PAG1: variants seen among roughly 807,000 people sequenced by gnomAD.
The protein encoded by PAG1 is phosphoprotein membrane anchor with glycosphingolipid microdomains 1, also known as phosphoprotein associated with glycosphingolipid-enriched microdomains 1.
Under a neutral mutation model 31.7 loss-of-function variants are expected in PAG1, and 23 were observed. The observed-to-expected ratio is 0.73, with a 90% CI of 0.52 to 1.03. The LOEUF (loss-of-function observed/expected upper bound fraction) is 1.03. Among genes scored for constraint, PAG1 ranks in the 50% least tolerant of loss-of-function variants. PAG1 has a pLI of 0.00. For missense variants in PAG1, 473 were observed against 540.7 expected, an observed-to-expected ratio of 0.87 and a Z score of 1.24; for synonymous variants, 214 against 210.3, an observed-to-expected ratio of 1.02 and a Z score of -0.15.
chr8:81,030,900 C>A (rs146327092), intron 2 of PAG1, among the ~76,000 whole-genome samples: 1 of 152,116 alleles, frequency 6.6e-6, no homozygotes, highest in Admixed American at 6.6e-5. Context: ...AATGAATGAA[C>A]GAACGAACAA....
rs1807181019 is a variant in PAG1, at chr8:80,976,453, T to C, written c.*91A>G. The C allele has an allele frequency of 5.4e-6, 7 of 1,289,852 alleles. No homozygotes were observed. In the East Asian group the frequency reaches 1.6e-4, roughly 30 times the overall value. The allele number at this position is 1,289,852 out of a possible 1,614,324, so 79.9% of individuals were successfully genotyped here. On this transcript the variant is annotated 3_prime_UTR_variant, in exon 9 of 9. Transcript: ENST00000220597. ...ATCTTCAGGTGACTAAAGCAGCATATGAAGTATAGGTTTGTGTCACTTCTT... is the reference window on the plus strand; with the variant it reads ...ATCTTCAGGTGACTAAAGCAGCATACGAAGTATAGGTTTGTGTCACTTCTT...
At chr8:81,076,993 T>TG (rs986272424) in intron 1 of PAG1, among the ~76,000 whole-genome samples, 1 of 152,254 alleles carries the variant, frequency 6.6e-6, no homozygotes, top group Non-Finnish European at 1.5e-5. Context: ...GCATGTTTCA[T>TG]GAAACCTTCC....
At position 80,980,502 on chromosome 8, in the gene PAG1, A is replaced by T; in HGVS notation, c.877-8T>A. On this transcript the variant is annotated splice_region_variant and splice_polypyrimidine_tract_variant and intron_variant, in intron 7 of 8. Coordinates refer to ENST00000220597, the MANE Select transcript of PAG1 (RefSeq NM_018440.4). ...TGACAATGAGCTAAATCTCTGTCAG[A>T]ACAAACACAAGCCAAGGAAAGTAAT... The T allele has an allele frequency of 6.3e-7, 1 of 1,584,974 alleles. No homozygotes were observed.
chr8:81,067,250 G>A (rs918523576), intron 2 of PAG1, among the ~76,000 whole-genome samples: 1 of 152,140 alleles, frequency 6.6e-6, no homozygotes, highest in Non-Finnish European at 1.5e-5. Context: ...GGTTCTCTTT[G>A]GGTAATGGAT....
chr8:81,018,862 G>C (rs1363055713), intron 3 of PAG1, among the ~76,000 whole-genome samples: 1 of 152,198 alleles, frequency 6.6e-6, no homozygotes, highest in African/African-American at 2.4e-5. Context: ...TGAAAATGTG[G>C]AACTGACTTT....
chr8:81,104,635 A>C (rs966715934), intron 1 of PAG1, among the ~76,000 whole-genome samples: 3 of 151,976 alleles, frequency 2.0e-5, no homozygotes, highest in Non-Finnish European at 4.4e-5. Context: ...ATTCATTATC[A>C]TCTCCAATGG....
chr8:81,003,221 A>T (rs1403867923), intron 3 of PAG1, among the ~76,000 whole-genome samples: 1 of 152,204 alleles, frequency 6.6e-6, no homozygotes, highest in Non-Finnish European at 1.5e-5. Context: ...AAGAGCTGCT[A>T]GATGTATATA....
In PAG1 at chr8:81,028,144, T is replaced by C. The variant is rs142782949; in HGVS notation, c.-81+1852A>G. Reference sequence around the variant, plus strand: ...GGCCCATCATATTGTGCAGTCTCTGTGCTCAGGGAGAAGTGGGAACACATA... The same window carrying C: ...GGCCCATCATATTGTGCAGTCTCTGCGCTCAGGGAGAAGTGGGAACACATA... On this transcript the variant is annotated intron_variant, in intron 3 of 8. Transcript: ENST00000220597. 3.4e-3 allele frequency among the ~76,000 whole-genome samples: 524 copies of C among 152,250 alleles called. 4 individuals are homozygous for C. Among genetic ancestry groups the C allele is most frequent in the Non-Finnish European group, 5.8e-3 (393 of 68,018 alleles).
chr8:80,973,032 A>G lies in PAG1; in HGVS notation c.*3512T>C, dbSNP rs1344343000. On this transcript the variant is annotated 3_prime_UTR_variant, in exon 9 of 9. Transcript: ENST00000220597. ...TCATGAGAAATATATACAGTGATAT[A>G]ATGCGGTTAAATTTTAGTTCTCTGT... The G allele has an allele frequency of 1.3e-5, 2 of 152,004 alleles. No homozygotes were observed. The highest frequency in any genetic ancestry group is 4.8e-5 in the African/African-American group (2 of 41,384). 9.4% of individuals were successfully genotyped at this position (152,004 alleles called of 1,614,324 possible).
chr8:81,048,969 A>G (rs1286273524), intron 2 of PAG1, among the ~76,000 whole-genome samples: 1 of 152,210 alleles, frequency 6.6e-6, no homozygotes. Context: ...TTAGGACTAC[A>G]ATACTTGTGA....
In PAG1 at chr8:80,995,811, C is replaced by T. The variant is rs1376387181; in HGVS notation, c.-80-2504G>A. On this transcript the variant is annotated intron_variant, in intron 3 of 8. Coordinates refer to ENST00000220597, the MANE Select transcript of PAG1 (RefSeq NM_018440.4). ...TTCTGTACATGTTTCTCTTCTCTCT[C>T]TCCTCTCTCCTAATAGAAGGAGGTC... Among the ~76,000 whole-genome samples the T allele has an allele frequency of 2.0e-5, 3 of 152,324 alleles. No homozygotes were observed. In the East Asian group the frequency reaches 5.8e-4, roughly 29 times the overall value.
At chr8:81,061,837 C>T (rs1254068675) in intron 2 of PAG1, among the ~76,000 whole-genome samples, 2 of 152,260 alleles carry the variant, frequency 1.3e-5, no homozygotes, top group African/African-American at 4.8e-5. Context: ...GAGAAGGTAG[C>T]CCGTAAGCGG....
At chr8:81,031,665 T>C (rs1221554454) in intron 2 of PAG1, among the ~76,000 whole-genome samples, 1 of 152,240 alleles carries the variant, frequency 6.6e-6, no homozygotes, top group Non-Finnish European at 1.5e-5. Flanking sequence ...AAAAATAATG[T>C]TTGGATGTGC....
chr8:81,052,989 A>G (rs1435303061), intron 2 of PAG1, among the ~76,000 whole-genome samples: 1 of 152,206 alleles, frequency 6.6e-6, no homozygotes, highest in East Asian at 1.9e-4. Flanking sequence ...TCGTATTTCA[A>G]AGTTTATTTA....
At chr8:81,063,462 G>C (rs1244705056) in intron 2 of PAG1, among the ~76,000 whole-genome samples, 1 of 152,184 alleles carries the variant, frequency 6.6e-6, no homozygotes, top group East Asian at 1.9e-4. Context: ...AGACCCAACA[G>C]GGAAATTCTT....
intron 2 of PAG1, among the ~76,000 whole-genome samples, chr8:81,034,284 C>T (rs1808427058): frequency 6.6e-6 from 1 of 152,158 alleles, no homozygotes; most frequent in South Asian, 2.1e-4. Flanking sequence ...ATAGTAATTG[C>T]TCAATATTTA....
chr8:81,014,424 A>T (rs948392452), intron 3 of PAG1, among the ~76,000 whole-genome samples: 2 of 152,256 alleles, frequency 1.3e-5, no homozygotes, highest in African/African-American at 4.8e-5. Context: ...AAGGCACTGA[A>T]GCCTTTCCAG....
intron 8 of PAG1, among the ~76,000 whole-genome samples, chr8:80,977,771 G>C (rs955320457): frequency 6.6e-6 from 1 of 152,094 alleles, no homozygotes; most frequent in Non-Finnish European, 1.5e-5. Context: ...TATCACCTCC[G>C]ATATCAACAG....
chr8:81,050,967 T>C (rs1290459361), intron 2 of PAG1, among the ~76,000 whole-genome samples: 1 of 152,266 alleles, frequency 6.6e-6, no homozygotes, highest in Non-Finnish European at 1.5e-5. Flanking sequence ...CATATTCTTC[T>C]ATCACTCTCT....
Sources: allele counts gnomAD v4.1 joint callset (sites outside exome capture counted in the v4.1 genomes callset), GRCh38; gene constraint gnomAD v4.1.1; transcripts MANE v1.5; gene names NCBI Gene and HGNC (gene_info 2026-07-23, HGNC 2026-07-21).